ADARB2: variants seen among roughly 807,000 people sequenced by gnomAD.
ADARB2 encodes adenosine deaminase RNA specific B2 (inactive), also known as inactive double-stranded RNA-specific editase B2.
Under a neutral mutation model 62.2 loss-of-function variants are expected in ADARB2, and 25 were observed. The ratio of observed to expected loss-of-function variants is 0.40; its 90% CI spans 0.29 to 0.56. The LOEUF is 0.56. ADARB2 is among the 20% of genes least tolerant of loss of function. The pLI is 0.43. For synonymous variants in ADARB2, 572 were observed against 500.8 expected (o/e 1.14, Z -1.90); for missense variants, 1,071 against 1,077.4 (o/e 0.99, Z 0.08).
intron 1 of ADARB2, among the ~76,000 whole-genome samples, chr10:1,667,383 G>A (rs1009152310): frequency 6.6e-6 from 1 of 152,116 alleles, no homozygotes; most frequent in East Asian, 1.9e-4. Flanking sequence ...TATTTAAGTT[G>A]AACTCACATA....
At chr10:1,633,515 ATGAG>A (rs369868289) in intron 1 of ADARB2, among the ~76,000 whole-genome samples, 20 of 137,988 alleles carry the variant, frequency 1.4e-4, no homozygotes, top group African/African-American at 5.1e-4. Context: ...GGGATACTCA[ATGAG>A]TGAGTCTGTC....
In ADARB2 at chr10:1,399,051, A is replaced by G. The variant is rs551419179; in HGVS notation, c.101-19891T>C. Among the ~76,000 whole-genome samples the G allele has an allele frequency of 7.9e-5, 12 of 152,342 alleles. No homozygotes were observed. In the South Asian group the frequency reaches 2.5e-3, roughly 32 times the overall value. Reference sequence around the variant, plus strand: ...AAATGTTCACTGAATGAGTAAATGAATGACATGGAATGTAGGAAACACGAA... The same window carrying G: ...AAATGTTCACTGAATGAGTAAATGAGTGACATGGAATGTAGGAAACACGAA... On this transcript the variant is annotated intron_variant, in intron 1 of 9. Transcript: ENST00000381312.
At chr10:1,474,945 C>T (rs1831379286) in intron 1 of ADARB2, among the ~76,000 whole-genome samples, 1 of 152,142 alleles carries the variant, frequency 6.6e-6, no homozygotes, top group East Asian at 1.9e-4. Context: ...ACCGAGGCGG[C>T]GGCTGCCGGT....
rs540142997 is a variant in ADARB2, at chr10:1,611,640, C to T, written c.100+125411G>A. Among the ~76,000 whole-genome samples the T allele has an allele frequency of 3.5e-4, 53 of 152,082 alleles. 1 individual carries two copies. In the South Asian group the frequency reaches 9.4e-3, roughly 27 times the overall value. ...GGTGCCCCCATTGATGTTCCTAATA[C>T]GGGAACATGACACATACATTAGGCT... On this transcript the variant is annotated intron_variant, in intron 1 of 9. Coordinates refer to ENST00000381312, the MANE Select transcript of ADARB2 (RefSeq NM_018702.4).
chr10:1,672,520 AG>A (rs1212641746), intron 1 of ADARB2, among the ~76,000 whole-genome samples: 2 of 152,090 alleles, frequency 1.3e-5, no homozygotes, highest in Non-Finnish European at 2.9e-5. Flanking sequence ...CTTCTCCAAG[AG>A]CCCGCCTTTT....
chr10:1,510,404 A>T (rs1008149864), intron 1 of ADARB2, among the ~76,000 whole-genome samples: 1 of 151,796 alleles, frequency 6.6e-6, no homozygotes, highest in African/African-American at 2.4e-5. Flanking sequence ...CTTGTCTCGA[A>T]CTCCTGAGCT....
rs114460434 is a variant in ADARB2, at chr10:1,685,532, A to G, written c.100+51519T>C. ...TGCTGAATCCTTGGGAAAATTTAGA[A>G]TTTTCTCTGGAACAAAATTCTATAA... On this transcript the variant is annotated intron_variant, in intron 1 of 9. Transcript: ENST00000381312. 7.8e-3 allele frequency among the ~76,000 whole-genome samples: 1,182 copies of G among 152,288 alleles called. 22 individuals are homozygous for G. The highest frequency in any genetic ancestry group is 0.027 in the African/African-American group (1,118 of 41,546).
intron 4 of ADARB2, among the ~76,000 whole-genome samples, chr10:1,269,036 A>G (rs1175521230): frequency 6.6e-6 from 1 of 152,192 alleles, no homozygotes; most frequent in East Asian, 1.9e-4. Flanking sequence ...GGTCATACTG[A>G]CTTATGCCTC....
intron 1 of ADARB2, among the ~76,000 whole-genome samples, chr10:1,517,919 C>T (rs1336962140): frequency 2.0e-5 from 3 of 152,146 alleles, no homozygotes; most frequent in Non-Finnish European, 2.9e-5. Flanking sequence ...CCCCAAAGCA[C>T]GGGACAGAGC....
chr10:1,598,927 C>T (rs938093912), intron 1 of ADARB2, among the ~76,000 whole-genome samples: 8 of 152,216 alleles, frequency 5.3e-5, no homozygotes, highest in African/African-American at 1.9e-4. Context: ...AACCGGAAGC[C>T]CAGGGCCGCG....
intron 1 of ADARB2, among the ~76,000 whole-genome samples, chr10:1,396,812 CGT>C: frequency 1.4e-5 from 1 of 72,006 alleles, no homozygotes; most frequent in East Asian, 7.6e-4. Context: ...CCTGGGTCAC[CGT>C]CCTCCTCTCC....
chr10:1,682,329 C>T, intron 1 of ADARB2, among the ~76,000 whole-genome samples: 1 of 152,320 alleles, frequency 6.6e-6, no homozygotes, highest in Middle Eastern at 3.4e-3. Context: ...CATGCTTCTG[C>T]AGAGCCACTG....
At chr10:1,656,561 T>C (rs1253575753) in intron 1 of ADARB2, among the ~76,000 whole-genome samples, 1 of 151,914 alleles carries the variant, frequency 6.6e-6, no homozygotes, top group Admixed American at 6.6e-5. Context: ...CTGCTAATAA[T>C]ATACAACTCT....
chr10:1,604,246 T>C (rs1472939632), intron 1 of ADARB2, among the ~76,000 whole-genome samples: 1 of 141,998 alleles, frequency 7.0e-6, no homozygotes, highest in Non-Finnish European at 1.6e-5. Flanking sequence ...CCTTATAAAG[T>C]ATAAACAATA....
chr10:1,243,378 G>A lies in ADARB2; in HGVS notation c.1193-1079C>T, dbSNP rs185256166. Among the ~76,000 whole-genome samples, 831 of 152,364 alleles carry A rather than the reference G, an allele frequency of 5.5e-3. 3 individuals are homozygous for A. The highest frequency in any genetic ancestry group is 7.8e-3 in the Non-Finnish European group (529 of 68,030). Reference sequence around the variant, plus strand: ...TGACACACAAATTAATGTCACGCCAGAAGCAGGCCTCCCTCCCATCTTAAA... The same window carrying A: ...TGACACACAAATTAATGTCACGCCAAAAGCAGGCCTCCCTCCCATCTTAAA... On this transcript the variant is annotated intron_variant, in intron 4 of 9. Transcript: ENST00000381312.
chr10:1,718,019 C>A (rs1260145194), intron 1 of ADARB2, among the ~76,000 whole-genome samples: 1 of 151,952 alleles, frequency 6.6e-6, no homozygotes, highest in Non-Finnish European at 1.5e-5. Flanking sequence ...ATCAAACTCA[C>A]AAGCCTATGA....
At chr10:1,600,143 G>A (rs1251941778) in intron 1 of ADARB2, among the ~76,000 whole-genome samples, 1 of 152,150 alleles carries the variant, frequency 6.6e-6, no homozygotes, top group African/African-American at 2.4e-5. Context: ...GGCCACATGT[G>A]GTATAAATAG....
intron 1 of ADARB2, among the ~76,000 whole-genome samples, chr10:1,487,733 A>G (rs1415905422): frequency 6.6e-6 from 1 of 152,252 alleles, no homozygotes; most frequent in African/African-American, 2.4e-5. Flanking sequence ...TTTGTTTTGC[A>G]ATTTATGTTT....
intron 1 of ADARB2, among the ~76,000 whole-genome samples, chr10:1,432,290 T>C (rs1038585164): frequency 2.8e-4 from 43 of 152,100 alleles, no homozygotes; most frequent in Non-Finnish European, 1.6e-4. Context: ...GAAATTGCCC[T>C]AGAATATCAA....
Sources: gnomAD v4.1 joint callset for allele counts (sites outside exome capture counted in the v4.1 genomes callset) on GRCh38, gnomAD v4.1.1 for gene constraint, MANE v1.5 for transcripts, NCBI Gene and HGNC (gene_info 2026-07-23, HGNC 2026-07-21) for gene names.